Variants in KAZN observed in about 807,000 individuals in gnomAD.
The protein encoded by KAZN is kazrin, periplakin interacting protein.
Under a neutral mutation model 87.4 loss-of-function variants are expected in KAZN, and 40 were observed. The observed-to-expected ratio is 0.46, with a 90% CI of 0.36 to 0.60. The LOEUF (loss-of-function observed/expected upper bound fraction) is 0.60, where lower values mean the gene tolerates loss of function less well. Ranked by LOEUF, KAZN falls within the 20% of genes least tolerant of loss-of-function variation. The probability of loss-of-function intolerance (pLI) is 0.00; values close to 1 mark genes in which losing one functional copy is unlikely to be tolerated. For synonymous variants in KAZN, 466 were observed against 458.3 expected (o/e 1.02, Z -0.22); for missense variants, 898 against 1,073.9 (o/e 0.84, Z 2.29).
intron 1 of KAZN, among the ~76,000 whole-genome samples, chr1:14,810,284 A>G (rs1006351873): frequency 1.3e-5 from 2 of 151,904 alleles, no homozygotes; most frequent in African/African-American, 4.8e-5. Context: ...CCATCACCTC[A>G]TCTCTCTCCA....
intron 1 of KAZN, among the ~76,000 whole-genome samples, chr1:14,751,530 T>C (rs1644411920): frequency 6.6e-6 from 1 of 152,206 alleles, no homozygotes; most frequent in Non-Finnish European, 1.5e-5. Context: ...CCCTGTTTTA[T>C]TGCAGAGAAT....
chr1:14,640,016 G>C (rs1680301464), intron 1 of KAZN, among the ~76,000 whole-genome samples: 1 of 152,156 alleles, frequency 6.6e-6, no homozygotes, highest in Non-Finnish European at 1.5e-5. Flanking sequence ...TTGTGGAGAG[G>C]GAGGACCATG....
intron 2 of KAZN, among the ~76,000 whole-genome samples, chr1:14,968,637 C>A (rs191167745): frequency 2.0e-5 from 3 of 152,138 alleles, no homozygotes; most frequent in African/African-American, 7.2e-5. Context: ...CAGCACGGGG[C>A]GGGTGGAGTT....
intron 1 of KAZN, among the ~76,000 whole-genome samples, chr1:14,901,776 T>A (rs72870398): frequency 0.018 from 2,803 of 152,162 alleles, 82 homozygotes; most frequent in African/African-American, 0.063. Context: ...GTTCAAAGGG[T>A]TGTTACATCT....
intron 1 of KAZN, among the ~76,000 whole-genome samples, chr1:14,643,160 G>T (rs1175117545): frequency 6.6e-6 from 1 of 152,160 alleles, no homozygotes; most frequent in Non-Finnish European, 1.5e-5. Context: ...AAAAAGGAAT[G>T]GATTTTTTTT....
At chr1:13,899,042 A>G (rs566308493) in intron 1 of KAZN, among the ~76,000 whole-genome samples, 1 of 152,200 alleles carries the variant, frequency 6.6e-6, no homozygotes, top group Non-Finnish European at 1.5e-5. Context: ...CGTCCATGGG[A>G]ATGGGAGCAC....
intron 1 of KAZN, among the ~76,000 whole-genome samples, chr1:14,120,807 G>A (rs1644736641): frequency 6.6e-6 from 1 of 152,194 alleles, no homozygotes; most frequent in African/African-American, 2.4e-5. Flanking sequence ...TGTGTGTCCT[G>A]GGAGGGACTT....
chr1:14,605,678 TGAGGAG>T (rs1200414746), intron 1 of KAZN, among the ~76,000 whole-genome samples: 13 of 152,092 alleles, frequency 8.5e-5, no homozygotes, highest in Admixed American at 8.5e-4. Context: ...ATCTTCATGT[TGAGGAG>T]GAGGAGGAAG....
chr1:14,850,102 A>C (rs1435021316), intron 1 of KAZN, among the ~76,000 whole-genome samples: 1 of 151,854 alleles, frequency 6.6e-6, no homozygotes, highest in Non-Finnish European at 1.5e-5. Context: ...CACCCAGCTA[A>C]TTTTTGTATT....
At chr1:14,304,007 T>C (rs189342590) in intron 2 of KAZN, among the ~76,000 whole-genome samples, 2 of 152,336 alleles carry the variant, frequency 1.3e-5, no homozygotes, top group Non-Finnish European at 2.9e-5. Context: ...GCGAGCTTGT[T>C]TTAGACTCTG....
At chr1:14,910,835 T>C (rs1317104767) in intron 1 of KAZN, among the ~76,000 whole-genome samples, 5 of 152,180 alleles carry the variant, frequency 3.3e-5, no homozygotes, top group African/African-American at 1.2e-4. Context: ...AGAAATCCTA[T>C]CTTTTAAGTG....
chr1:14,939,041 T>G (rs1660767127), intron 1 of KAZN, among the ~76,000 whole-genome samples: 1 of 151,898 alleles, frequency 6.6e-6, no homozygotes, highest in South Asian at 2.1e-4. Flanking sequence ...GGCATGACCT[T>G]GGTTCACTGC....
At chr1:14,291,681 A>C (rs1056884983) in intron 2 of KAZN, among the ~76,000 whole-genome samples, 1 of 152,104 alleles carries the variant, frequency 6.6e-6, no homozygotes, top group African/African-American at 2.4e-5. Flanking sequence ...CTCACCCTCC[A>C]TGGGCTGCAC....
intron 1 of KAZN, among the ~76,000 whole-genome samples, chr1:14,109,020 A>G (rs958020375): frequency 1.3e-5 from 2 of 152,172 alleles, no homozygotes; most frequent in Non-Finnish European, 2.9e-5. Flanking sequence ...TAGGACTGCA[A>G]TGTGGCCGAG....
chr1:15,031,054 G>A (rs1671647946), intron 2 of KAZN, among the ~76,000 whole-genome samples: 1 of 152,218 alleles, frequency 6.6e-6, no homozygotes, highest in South Asian at 2.1e-4. Context: ...CATGTACACA[G>A]GCTGAGTCTG....
At chr1:14,796,275 C>G (rs770994691) in intron 1 of KAZN, among the ~76,000 whole-genome samples, 1 of 152,212 alleles carries the variant, frequency 6.6e-6, no homozygotes, top group Non-Finnish European at 1.5e-5. Flanking sequence ...GGCACCCTCT[C>G]CCCACCCACA....
intron 1 of KAZN, among the ~76,000 whole-genome samples, chr1:13,907,072 G>T (rs913187014): frequency 6.6e-6 from 1 of 152,190 alleles, no homozygotes; most frequent in African/African-American, 2.4e-5. Flanking sequence ...ATCTATGTGG[G>T]TGATTTTTGT....
intron 2 of KAZN, among the ~76,000 whole-genome samples, chr1:14,296,998 A>ATG (rs887286694): frequency 6.6e-5 from 10 of 151,844 alleles, no homozygotes; most frequent in African/African-American, 1.2e-4. Context: ...GCATATGTGC[A>ATG]TGTGTGTGTG....
At chr1:14,025,307 G>C (rs34833516) in intron 1 of KAZN, among the ~76,000 whole-genome samples, 1 of 152,224 alleles carries the variant, frequency 6.6e-6, no homozygotes. Context: ...GCTCTGCTCA[G>C]TTCTGACTAA....
Sources: gnomAD v4.1 joint callset for allele counts (sites outside exome capture counted in the v4.1 genomes callset) on GRCh38, gnomAD v4.1.1 for gene constraint, MANE v1.5 for transcripts, NCBI Gene and HGNC (gene_info 2026-07-23, HGNC 2026-07-21) for gene names.